Variants in SGCZ observed in about 807,000 individuals in gnomAD.
SGCZ encodes sarcoglycan zeta.
A neutral mutation model predicts 41.3 loss-of-function variants in SGCZ; 40 were observed. The observed-to-expected ratio is 0.97, with a 90% CI of 0.75 to 1.26. The LOEUF (loss-of-function observed/expected upper bound fraction) is 1.26. Ranked by LOEUF, SGCZ falls within the 50% of genes most tolerant of loss-of-function variation. The pLI, the probability that SGCZ is intolerant of heterozygous loss-of-function variation, is 0.00. For synonymous variants in SGCZ, 206 were observed against 137.5 expected (o/e 1.50, Z -3.49); for missense variants, 552 against 369.8 (o/e 1.49, Z -4.04).
At chr8:14,961,092 G>C (rs539414957) in intron 1 of SGCZ, among the ~76,000 whole-genome samples, 16 of 152,190 alleles carry the variant, frequency 1.1e-4, no homozygotes, top group Admixed American at 7.2e-4. Context: ...GGCAAGCTGT[G>C]AATCAATGCA....
chr8:14,339,912 G>A (rs1031792566), intron 2 of SGCZ, among the ~76,000 whole-genome samples: 1 of 152,006 alleles, frequency 6.6e-6, no homozygotes, highest in African/African-American at 2.4e-5. Context: ...ATGCTAATAA[G>A]AGAAATGGAA....
intron 1 of SGCZ, among the ~76,000 whole-genome samples, chr8:14,655,204 A>G (rs1278026742): frequency 2.0e-5 from 3 of 152,108 alleles, no homozygotes; most frequent in African/African-American, 7.2e-5. Context: ...AGTTATTCTT[A>G]CTGTTTGCCA....
At chr8:14,504,589 T>C (rs763119336) in intron 2 of SGCZ, among the ~76,000 whole-genome samples, 6 of 152,204 alleles carry the variant, frequency 3.9e-5, no homozygotes, top group Non-Finnish European at 8.8e-5. Flanking sequence ...TTTTCTTTTC[T>C]CTTGTTTCTT....
chr8:14,823,150 G>T (rs1236141127), intron 1 of SGCZ, among the ~76,000 whole-genome samples: 5 of 149,032 alleles, frequency 3.4e-5, no homozygotes, highest in African/African-American at 1.2e-4. Context: ...CAGTGGAAAT[G>T]CTTCATGACA....
intron 5 of SGCZ, among the ~76,000 whole-genome samples, chr8:14,131,940 A>G (rs1283976648): frequency 1.3e-5 from 2 of 152,068 alleles, no homozygotes; most frequent in Non-Finnish European, 2.9e-5. Flanking sequence ...TGTCCCATCT[A>G]GGGCTGTGTA....
At chr8:14,616,412 C>T (rs1011227772) in intron 1 of SGCZ, among the ~76,000 whole-genome samples, 8 of 152,034 alleles carry the variant, frequency 5.3e-5, no homozygotes, top group Non-Finnish European at 1.5e-5. Context: ...GCTTAAGCTT[C>T]CCGAAAGCCT....
intron 5 of SGCZ, among the ~76,000 whole-genome samples, chr8:14,152,354 T>C (rs1041969114): frequency 6.6e-6 from 1 of 152,146 alleles, no homozygotes; most frequent in Non-Finnish European, 1.5e-5. Flanking sequence ...CATGAGCTAT[T>C]AAGGAAATGC....
intron 1 of SGCZ, among the ~76,000 whole-genome samples, chr8:14,973,089 T>C (rs541901081): frequency 4.6e-5 from 7 of 152,344 alleles, no homozygotes; most frequent in Non-Finnish European, 7.4e-5. Flanking sequence ...AACTTTGTTC[T>C]GGGATACAGT....
At chr8:14,483,755 G>C (rs1381735527) in intron 2 of SGCZ, among the ~76,000 whole-genome samples, 2 of 151,896 alleles carry the variant, frequency 1.3e-5, no homozygotes, top group African/African-American at 4.8e-5. Context: ...TTTCAATTAA[G>C]GTAAATTAAC....
chr8:14,220,703 C>T (rs1469592404), intron 4 of SGCZ, among the ~76,000 whole-genome samples: 1 of 152,014 alleles, frequency 6.6e-6, no homozygotes, highest in Admixed American at 6.6e-5. Context: ...AGGAGAATGG[C>T]GTGAACCCGG....
At chr8:14,800,637 C>T (rs2130500888) in intron 1 of SGCZ, among the ~76,000 whole-genome samples, 1 of 152,162 alleles carries the variant, frequency 6.6e-6, no homozygotes, top group South Asian at 2.1e-4. Flanking sequence ...GTGTTTCCAC[C>T]TTCTCTCTTT....
chr8:14,995,700 A>C (rs1802191999), intron 1 of SGCZ, among the ~76,000 whole-genome samples: 1 of 152,216 alleles, frequency 6.6e-6, no homozygotes, highest in South Asian at 2.1e-4. Context: ...CAGCGTCTTC[A>C]CATGTAAAAT....
intron 1 of SGCZ, among the ~76,000 whole-genome samples, chr8:14,941,583 A>C (rs1800276118): frequency 6.6e-6 from 1 of 152,086 alleles, no homozygotes; most frequent in African/African-American, 2.4e-5. Context: ...ATACATTTAC[A>C]TATAACATAT....
chr8:15,185,772 A>C (rs533265929), intron 1 of SGCZ, among the ~76,000 whole-genome samples: 33 of 152,284 alleles, frequency 2.2e-4, no homozygotes, highest in Non-Finnish European at 3.8e-4. Flanking sequence ...AAGTAATCTA[A>C]AGCCTCAAGA....
chr8:14,620,193 A>T (rs1440834336), intron 1 of SGCZ, among the ~76,000 whole-genome samples: 3 of 152,186 alleles, frequency 2.0e-5, no homozygotes, highest in Admixed American at 1.3e-4. Flanking sequence ...TGGGGAAAGG[A>T]TTCCCTATTT....
intron 3 of SGCZ, among the ~76,000 whole-genome samples, chr8:14,251,861 G>A (rs565404201): frequency 5.5e-4 from 84 of 152,072 alleles, no homozygotes; most frequent in Non-Finnish European, 1.0e-3. Context: ...GATTACAGGC[G>A]CTCACCACCA....
rs1234393502 is a variant in SGCZ at position 14,175,407 on chromosome 8, G to A, written c.425-10705C>T. ...ATGTAAGAAGTACTGAATATAAAAA[G>A]CAATAATAATGTCGTAGTTTGAGAA... On this transcript the variant is annotated intron_variant, in intron 4 of 7. Coordinates refer to ENST00000382080, the MANE Select transcript of SGCZ (RefSeq NM_139167.4). 2.6e-5 allele frequency among the ~76,000 whole-genome samples: 4 copies of A among 152,144 alleles called. No homozygotes were observed. In the East Asian group the frequency reaches 7.7e-4, roughly 29 times the overall value.
At chr8:14,385,286 G>C (rs1185280344) in intron 2 of SGCZ, among the ~76,000 whole-genome samples, 2 of 152,168 alleles carry the variant, frequency 1.3e-5, no homozygotes. Context: ...AGTAGACCAA[G>C]GAGGCAATTT....
chr8:14,192,366 T>C (rs193133555), intron 4 of SGCZ, among the ~76,000 whole-genome samples: 1 of 152,046 alleles, frequency 6.6e-6, no homozygotes, highest in Non-Finnish European at 1.5e-5. Context: ...TTTTCTTCTT[T>C]GTAACACATA....
Sources: gnomAD v4.1 joint callset for allele counts (sites outside exome capture counted in the v4.1 genomes callset) on GRCh38, gnomAD v4.1.1 for gene constraint, MANE v1.5 for transcripts, NCBI Gene and HGNC (gene_info 2026-07-23, HGNC 2026-07-21) for gene names.